Variants in CASKIN1 observed in about 807,000 individuals in gnomAD.
The protein encoded by CASKIN1 is caskin-1.
CASKIN1 carries 42 observed loss-of-function variants against 117.5 expected under a neutral mutation model. That is an observed-to-expected ratio of 0.36 (90% confidence interval 0.28 to 0.46). The LOEUF (loss-of-function observed/expected upper bound fraction) is 0.46, where lower values mean the gene tolerates loss of function less well. CASKIN1 is among the 20% of genes least tolerant of loss of function. The pLI is 1.00. For synonymous variants in CASKIN1, 1,148 were observed against 961.7 expected (o/e 1.19, Z -3.59); for missense variants, 2,083 against 2,077.3 (o/e 1.00, Z -0.05).
At chr16:2,187,608 ACT>A (rs2093188734) in intron 6 of CASKIN1, 147 bp from the exon 7 acceptor site, 2 of 646,910 alleles carry the variant, frequency 3.1e-6, no homozygotes, top group East Asian at 2.7e-5. Context: ...TCTGACATTC[ACT>A]GAGTGCTGAG....
At position 2,179,067 on chromosome 16, in the gene CASKIN1, G is replaced by A; in HGVS notation, c.4034C>T (p.Ala1345Val). The change falls in exon 19 of 20, where the codon GCC becomes GTC. Residue 1345 changes from alanine to valine, a missense_variant. This residue lies in a region of CASKIN1 where 1,818 missense variants were observed against 1,688.9 expected (regional missense o/e 1.08). Coordinates refer to ENST00000343516, the MANE Select transcript of CASKIN1 (RefSeq NM_020764.4). The surrounding 1 kb of genome is among the most constrained non-coding windows in gnomAD (Gnocchi z 5.8). ...ALHVPAKPPR[A>V]AAAAAAAAAA... ...GGCGGCGGCGGCGGCGGCGGCGGCG[G>A]CTCGCGGGGGCTTGGCGGGCACGTG... 1.0e-6 allele frequency: 1 copy of A among 986,936 alleles called. No individual in the cohort carries two copies. Among genetic ancestry groups the A allele is most frequent in the East Asian group, 1.1e-4 (1 of 8,864 alleles). 61.1% of individuals were successfully genotyped at this position (986,936 alleles called of 1,614,324 possible).
At chr16:2,183,485 A>G (rs144345487) in intron 16 of CASKIN1, among the ~76,000 whole-genome samples, 161 bp downstream of exon 16, 3 of 152,036 alleles carry the variant, frequency 2.0e-5, no homozygotes, top group African/African-American at 4.8e-5. Flanking sequence ...GTGACAAAAC[A>G]GGGGCTGATC....
At chr16:2,181,719 G>GGGATGGT in intron 17 of CASKIN1, 72 bp downstream of exon 17, 1 of 1,546,776 alleles carries the variant, frequency 6.5e-7, no homozygotes, top group Non-Finnish European at 8.7e-7. Context: ...GGCTGGGGCT[G>GGGATGGT]GGCTGGTGGC....
At position 2,179,770 on chromosome 16, in the gene CASKIN1, G is replaced by T. The variant is rs759102643; in HGVS notation, c.3598C>A (p.Pro1200Thr). 2.6e-6 allele frequency: 4 copies of T among 1,565,402 alleles called. No individual in the cohort carries two copies. The highest frequency in any genetic ancestry group is 2.3e-5 in the South Asian group (2 of 86,860). Residue 1200 changes from proline (P) to threonine (T), a missense_variant, in exon 18 of 20, where the codon CCC becomes ACC. Transcript: ENST00000343516. The surrounding 1 kb of genome is among the most constrained non-coding windows in gnomAD (Gnocchi z 5.8). Reference sequence around the variant, plus strand: ...AGGTGCGCCAGGTCGGTGGGCGGGGGTTCGGCAGGCGGGGGCGGTGGAGGC... The same window carrying T: ...AGGTGCGCCAGGTCGGTGGGCGGGGTTTCGGCAGGCGGGGGCGGTGGAGGC... ...ELPPPPPPAEPPPTDLAHLPP... is the reference protein window; with the variant it reads ...ELPPPPPPAETPPTDLAHLPP...
intron 3 of CASKIN1, among the ~76,000 whole-genome samples, chr16:2,189,818 C>A (rs981665986): frequency 4.0e-5 from 6 of 150,502 alleles, no homozygotes; most frequent in Non-Finnish European, 7.4e-5. Flanking sequence ...CCAAGGCCAA[C>A]CCTGGGAGGT....
Position 2,196,408 on chromosome 16 carries a change from G to A in CASKIN1, c.25C>T (p.Gln9Ter). 7.3e-7 allele frequency: 1 copy of A among 1,362,146 alleles called. No homozygotes were observed. The allele number at this position is 1,362,146 out of a possible 1,614,324, so 84.4% of individuals were successfully genotyped here. Residue 9 changes from glutamine (Q) to a stop codon, truncating the protein, a stop_gained, in exon 1 of 20, where the codon CAG becomes TAG. Transcript: ENST00000343516. LOFTEE classifies it high-confidence loss of function. This position sits in a 1 kb window ranked among gnomAD's most constrained non-coding sequence, Gnocchi z 5.7. ...CCTACGTCCTCCGCCTTCACCGCCT[G>A]CACCAGCTCCTGCTCCTTCCCCATG... MGKEQELVQAVKAEDVGTA... is the reference protein window; with the variant it reads MGKEQELV
In CASKIN1 at chr16:2,180,882, T is replaced by C; in HGVS notation, c.2486A>G (p.His829Arg). The C allele has an allele frequency of 2.1e-6, 3 of 1,429,884 alleles. No homozygotes were observed. The highest frequency in any genetic ancestry group is 1.8e-6 in the Non-Finnish European group (2 of 1,098,766). 88.6% of individuals were successfully genotyped at this position (1,429,884 alleles called of 1,614,324 possible). ...SPRSLPQSPT[H>R]RGFAYVLPQP... is the part of the protein sequence containing the mutation. ...GGGCAGCACGTAGGCAAAGCCGCGG[T>C]GCGTCGGTGACTGAGGCAGGGAGCG... The change falls in exon 18 of 20, where the codon CAC becomes CGC. Residue 829 changes from histidine to arginine, a missense_variant. By Grantham distance (29) the His-to-Arg change is conservative. This residue lies in a region of CASKIN1 where 1,818 missense variants were observed against 1,688.9 expected (regional missense o/e 1.08). Coordinates refer to ENST00000343516, the MANE Select transcript of CASKIN1 (RefSeq NM_020764.4).
In CASKIN1 at chr16:2,191,013, G is replaced by A. The variant is rs185220882; in HGVS notation, c.95-655C>T. Among the ~76,000 whole-genome samples the A allele has an allele frequency of 1.6e-4, 24 of 152,216 alleles. No individual in the cohort carries two copies. The East Asian group carries it at 2.7e-3, about 17-fold the overall frequency. Reference sequence around the variant, plus strand: ...AGAGGGGCCCACGCCCTCCCTTCAGGGCCCCAGCGTCCTCCTGGGGCCCCC... The same window carrying A: ...AGAGGGGCCCACGCCCTCCCTTCAGAGCCCCAGCGTCCTCCTGGGGCCCCC... On this transcript the variant is annotated intron_variant, in intron 1 of 19. Coordinates refer to ENST00000343516, the MANE Select transcript of CASKIN1 (RefSeq NM_020764.4).
At chr16:2,188,392 C>T (rs536808447) in intron 6 of CASKIN1, among the ~76,000 whole-genome samples, 26 of 151,998 alleles carry the variant, frequency 1.7e-4, no homozygotes, top group Admixed American at 9.2e-4. Context: ...GCTGTGTCAC[C>T]CAGGCTGGAG....
At position 2,186,690 on chromosome 16, in the gene CASKIN1, G is replaced by A. The variant is rs1408879172; in HGVS notation, c.1048+17C>T. On this transcript the variant is annotated intron_variant, in intron 10 of 19. Transcript: ENST00000343516. ...CCAGGGGCTCCTGCCTGCCCCCCAGGGTGGGGTGGAACTTGCCTGCTCGCT... is the reference window on the plus strand; with the variant it reads ...CCAGGGGCTCCTGCCTGCCCCCCAGAGTGGGGTGGAACTTGCCTGCTCGCT... 3.7e-6 allele frequency: 6 copies of A among 1,605,382 alleles called. No individual in the cohort carries two copies. The African/African-American group carries it at 6.7e-5, about 18-fold the overall frequency.
rs1567263479 is a variant in CASKIN1 at position 2,190,146 on chromosome 16, G to C, written c.171C>G (p.Ala57=). ...PDGFSALHHA[A]LNGNTELISL... is the part of the protein sequence containing the mutation. ...TGATCAATTCCGTGTTGCCGTTCAG[G>C]GCCGCATGGTGCAGAGCCGAGAAGC... Residue 57 remains alanine, a synonymous_variant, in exon 3 of 20, where the codon GCC becomes GCG. Coordinates refer to ENST00000343516, the MANE Select transcript of CASKIN1 (RefSeq NM_020764.4). 1 of 1,613,076 alleles carries C rather than the reference G, an allele frequency of 6.2e-7. No individual in the cohort carries two copies. Among genetic ancestry groups the C allele is most frequent in the Non-Finnish European group, 8.5e-7 (1 of 1,179,948 alleles).
chr16:2,187,365 C>A lies in CASKIN1; in HGVS notation c.714G>T (p.Arg238=). Residue 238 remains arginine (R), a synonymous_variant, in exon 7 of 20, where the codon CGG becomes CGT. Coordinates refer to ENST00000343516, the MANE Select transcript of CASKIN1 (RefSeq NM_020764.4). ...GCCCCACACTCACATCCAGCAGCAG[C>A]CGCACCACCTCTGTCTTTCCGCAGA... is the stretch of plus-strand genomic sequence containing the variant. The part of the protein sequence containing the change: ...AALCGKTEVV[R]LLLDSGINAH... 3 of 1,612,906 alleles carry A rather than the reference C, an allele frequency of 1.9e-6. No individual in the cohort carries two copies. The highest frequency in any genetic ancestry group is 1.7e-6 in the Non-Finnish European group (2 of 1,179,862).
intron 1 of CASKIN1, among the ~76,000 whole-genome samples, chr16:2,192,723 C>T (rs1018834223): frequency 6.6e-6 from 1 of 152,200 alleles, no homozygotes; most frequent in African/African-American, 2.4e-5. Context: ...GCTCTGCAGC[C>T]CTCGTCACCA....
In CASKIN1 at chr16:2,177,680, T is replaced by G. The variant is rs954062631; in HGVS notation, c.*870A>C. The G allele has an allele frequency of 4.1e-6, 1 of 242,284 alleles. No homozygotes were observed. The highest frequency in any genetic ancestry group is 2.2e-5 in the African/African-American group (1 of 45,152). The allele number at this position is 242,284 out of a possible 1,614,324, so 15.0% of individuals were successfully genotyped here. On this transcript the variant is annotated 3_prime_UTR_variant, in exon 20 of 20. Transcript: ENST00000343516. ...GGAGCTGCAAGCCCGTGGCCTGGCC[T>G]GCTACATGCCCTGCTTCCACGTGGC...
chr16:2,178,862 AGCCCCGCCCTCCGCCCGCCAGGCCCC>A lies in CASKIN1; in HGVS notation c.4199+14_4199+39del. The A allele has an allele frequency of 7.3e-7, 1 of 1,376,130 alleles. No homozygotes were observed. Among genetic ancestry groups the A allele is most frequent in the Admixed American group, 3.7e-5 (1 of 27,338 alleles). The allele number at this position is 1,376,130 out of a possible 1,614,324, so 85.2% of individuals were successfully genotyped here. On this transcript the variant is annotated intron_variant, in intron 19 of 19. Transcript: ENST00000343516. ...TGCCGAGCCCCGCCCATCTCTGCCG[AGCCCCGCCCTCCGCCCGCCAGGCCCC>A]GCCCCGCACCTACCGCGGGCCCTGC...
At position 2,180,742 on chromosome 16, in the gene CASKIN1, G is replaced by A. The variant is rs1319296560; in HGVS notation, c.2626C>T (p.Pro876Ser). Residue 876 changes from proline (P) to serine (S), a missense_variant, in exon 18 of 20, where the codon CCC (proline) becomes TCC (serine). Physicochemically the swap from Pro to Ser is moderately conservative, Grantham distance 74. Transcript: ENST00000343516. ...PPEADAEPGRPKKRAHSLNRY... is the reference protein window; with the variant it reads ...PPEADAEPGRSKKRAHSLNRY... ...TTCAGGCTGTGGGCCCGCTTCTTGGGCCGCCCCGGCTCCGCGTCGGCCTCA... is the reference window on the plus strand; with the variant it reads ...TTCAGGCTGTGGGCCCGCTTCTTGGACCGCCCCGGCTCCGCGTCGGCCTCA... 2 of 1,441,350 alleles carry A rather than the reference G, an allele frequency of 1.4e-6. No individual in the cohort carries two copies. The highest frequency in any genetic ancestry group is 5.3e-5 in the East Asian group (2 of 37,580). The allele number at this position is 1,441,350 out of a possible 1,614,324, so 89.3% of individuals were successfully genotyped here.
At position 2,181,755 on chromosome 16, in the gene CASKIN1, TTGGGCTGGGGACGAGGGC is replaced by T. The variant is rs774774507; in HGVS notation, c.1768+18_1768+35del. 5.6e-5 allele frequency: 90 copies of T among 1,598,706 alleles called. No homozygotes were observed. In the Admixed American group the frequency reaches 1.5e-3, roughly 26 times the overall value. Reference sequence around the variant, plus strand: ...TGGTGGCTGGGGCTTGGGCTGAGGGTTGGGCTGGGGACGAGGGCTGGGGCTGGGGCCTCACCCAGCTTG... The same window carrying T: ...TGGTGGCTGGGGCTTGGGCTGAGGGTTGGGGCTGGGGCCTCACCCAGCTTG... On this transcript the variant is annotated intron_variant, in intron 17 of 19. Coordinates refer to ENST00000343516, the MANE Select transcript of CASKIN1 (RefSeq NM_020764.4).
Position 2,181,099 on chromosome 16 carries a change from G to A in CASKIN1, c.2269C>T (p.Pro757Ser), listed in dbSNP as rs780353091. Residue 757 changes from proline (P) to serine (S), a missense_variant, in exon 18 of 20, where the codon CCC (proline) becomes TCC (serine). Pro to Ser is a moderately conservative substitution (Grantham distance 74, BLOSUM62 -1). Transcript: ENST00000343516. ...HGHSIKRASV[P>S]PVPGKPRQVL... The stretch of plus-strand genomic sequence containing the variant: ...TGCCGTGGCTTGCCAGGCACGGGGG[G>A]CACGCTGGCCCTCTTGATGCTGTGG... 3 of 1,479,482 alleles carry A rather than the reference G, an allele frequency of 2.0e-6. No individual in the cohort carries two copies. The highest frequency in any genetic ancestry group is 2.7e-6 in the Non-Finnish European group (3 of 1,122,694). The allele number at this position is 1,479,482 out of a possible 1,614,324, so 91.6% of individuals were successfully genotyped here. A position where few individuals can be genotyped will look rare whatever the true frequency, so the allele number is the denominator to read the frequency against.
chr16:2,184,196 G>C (rs1198864197), intron 14 of CASKIN1, among the ~76,000 whole-genome samples: 1 of 151,988 alleles, frequency 6.6e-6, no homozygotes, highest in South Asian at 2.1e-4. Context: ...GGGGCGGGGG[G>C]GCTGCTACTG....
Sources: allele counts gnomAD v4.1 joint callset (sites outside exome capture counted in the v4.1 genomes callset), GRCh38; gene constraint gnomAD v4.1.1; regional missense constraint gnomAD v4.1.1; non-coding constraint Gnocchi (gnomAD v3.1); transcripts MANE v1.5; gene names NCBI Gene and HGNC (gene_info 2026-07-23, HGNC 2026-07-21).